The following WWOX variants were observed in gnomAD, a reference collection of about 807,000 sequenced individuals.
The protein encoded by WWOX is WW domain-containing oxidoreductase.
In WWOX, 69 loss-of-function variants were observed where a neutral mutation model predicts 46.2. The observed-to-expected ratio is 1.49, with a 90% CI of 1.23 to 1.82. WWOX has a LOEUF of 1.82. Ranked by LOEUF, WWOX falls within the 40% of genes most tolerant of loss-of-function variation. WWOX has a pLI of 0.00. For missense variants in WWOX, 919 were observed against 542.6 expected (o/e 1.69, Z -6.89); for synonymous variants, 359 against 202.6 (o/e 1.77, Z -6.56).
At chr16:79,176,447 C>A (rs1408121224) in intron 8 of WWOX, among the ~76,000 whole-genome samples, 1 of 152,154 alleles carries the variant, frequency 6.6e-6, no homozygotes, top group Non-Finnish European at 1.5e-5. Context: ...GGAAGAAGAG[C>A]AAATGGATTT....
At position 78,923,355 on chromosome 16, in the gene WWOX, A is replaced by G. The variant is rs1173664618; in HGVS notation, c.1057-288253A>G. On this transcript the variant is annotated intron_variant, in intron 8 of 8. Transcript: ENST00000566780. Reference sequence around the variant, plus strand: ...TCACCAGAATATCATCATTATCAACATCATTATTTCTAGTTCAGATCATTC... The same window carrying G: ...TCACCAGAATATCATCATTATCAACGTCATTATTTCTAGTTCAGATCATTC... Among the ~76,000 whole-genome samples the G allele has an allele frequency of 2.6e-5, 4 of 152,064 alleles. 1 individual carries two copies. The highest frequency in any genetic ancestry group is 1.3e-4 in the Admixed American group (2 of 15,260).
Position 78,470,623 on chromosome 16 carries a change from G to A in WWOX, c.1056+37871G>A, listed in dbSNP as rs370378170. On this transcript the variant is annotated intron_variant, in intron 8 of 8. Transcript: ENST00000566780. ...TGACTTACTGAAACCTCCTCCTCCT[G>A]GATTCAAGCCATTCTCCTGCCTCAG... Among the ~76,000 whole-genome samples, 23 of 152,258 alleles carry A rather than the reference G, an allele frequency of 1.5e-4. 1 individual carries two copies. The East Asian group carries it at 3.7e-3, about 24-fold the overall frequency.
intron 8 of WWOX, among the ~76,000 whole-genome samples, chr16:78,722,543 G>C (rs1264482058): frequency 1.3e-5 from 2 of 152,114 alleles, no homozygotes; most frequent in African/African-American, 4.8e-5. Context: ...TTCAGTAAGA[G>C]TACAAAGCGA....
intron 8 of WWOX, among the ~76,000 whole-genome samples, chr16:78,782,964 C>T (rs553613528): frequency 1.3e-5 from 2 of 152,162 alleles, no homozygotes; most frequent in African/African-American, 4.8e-5. Context: ...CAGGCCATTT[C>T]TATGCCTGCC....
intron 1 of WWOX, among the ~76,000 whole-genome samples, chr16:78,105,186 G>T (rs1181516355): frequency 6.6e-6 from 1 of 152,216 alleles, no homozygotes; most frequent in East Asian, 1.9e-4. Flanking sequence ...TGCAGGCCGG[G>T]TGCAGTGGTT....
intron 8 of WWOX, among the ~76,000 whole-genome samples, chr16:78,955,324 A>C (rs1303536237): frequency 6.6e-6 from 1 of 152,192 alleles, no homozygotes; most frequent in Admixed American, 6.5e-5. Flanking sequence ...CAACAACGTC[A>C]GTGAAATCCG....
At chr16:78,249,384 T>G (rs944488846) in intron 5 of WWOX, among the ~76,000 whole-genome samples, 3 of 152,228 alleles carry the variant, frequency 2.0e-5, no homozygotes. Context: ...CCACTCGTAT[T>G]GTTTATCTTA....
chr16:78,702,204 T>G (rs933593245), intron 8 of WWOX, among the ~76,000 whole-genome samples: 20 of 148,068 alleles, frequency 1.4e-4, no homozygotes, highest in Non-Finnish European at 1.6e-4. Context: ...CACTTAAGAC[T>G]GGGAGCTCGA....
At chr16:78,776,682 A>G (rs1009395444) in intron 8 of WWOX, among the ~76,000 whole-genome samples, 12 of 152,152 alleles carry the variant, frequency 7.9e-5, no homozygotes, top group African/African-American at 2.7e-4. Context: ...AAGAGGTTTA[A>G]TTGACTCACA....
intron 8 of WWOX, among the ~76,000 whole-genome samples, chr16:78,991,169 G>A (rs8055351): frequency 1.6e-4 from 25 of 152,258 alleles, no homozygotes; most frequent in African/African-American, 5.8e-4. Context: ...CCTTGTCAAA[G>A]TCAAAGAAGA....
intron 8 of WWOX, among the ~76,000 whole-genome samples, chr16:78,939,163 G>C (rs1367293081): frequency 1.3e-5 from 2 of 152,178 alleles, no homozygotes; most frequent in East Asian, 1.9e-4. Flanking sequence ...TGCTATTACA[G>C]ATGCCTCCCA....
chr16:78,675,394 A>T (rs1257634867), intron 8 of WWOX, among the ~76,000 whole-genome samples: 1 of 152,224 alleles, frequency 6.6e-6, no homozygotes, highest in African/African-American at 2.4e-5. Flanking sequence ...ACAGAAACTC[A>T]TCTCTGCAGA....
Position 78,912,898 on chromosome 16 carries a change from C to G in WWOX, c.1057-298710C>G, listed in dbSNP as rs967069963. Among the ~76,000 whole-genome samples, 5 of 152,112 alleles carry G rather than the reference C, an allele frequency of 3.3e-5. No homozygotes were observed. In the East Asian group the frequency reaches 9.7e-4, roughly 30 times the overall value. On this transcript the variant is annotated intron_variant, in intron 8 of 8. Coordinates refer to ENST00000566780, the MANE Select transcript of WWOX (RefSeq NM_016373.4). ...TAAAACACCATCAGCTTGGAAAACACTATCCATTAGCAAGAGATCAGAGCA... is the reference window on the plus strand; with the variant it reads ...TAAAACACCATCAGCTTGGAAAACAGTATCCATTAGCAAGAGATCAGAGCA...
intron 5 of WWOX, among the ~76,000 whole-genome samples, chr16:78,381,368 C>T (rs981025190): frequency 1.3e-5 from 2 of 152,118 alleles, no homozygotes; most frequent in African/African-American, 4.8e-5. Context: ...ATTAAGGTGG[C>T]AGTGAACTGT....
chr16:78,161,927 T>C (rs1239342094), intron 4 of WWOX, among the ~76,000 whole-genome samples: 1 of 152,200 alleles, frequency 6.6e-6, no homozygotes, highest in Non-Finnish European at 1.5e-5. Flanking sequence ...TTAAGCATTG[T>C]TATTATTATT....
intron 8 of WWOX, chr16:79,202,840 A>C (rs537025812): frequency 2.0e-5 from 3 of 152,218 alleles, no homozygotes; most frequent in Non-Finnish European, 4.4e-5. Flanking sequence ...AGGGGAAGAG[A>C]AAGGCAGCCT....
intron 5 of WWOX, among the ~76,000 whole-genome samples, chr16:78,309,848 C>A (rs1040187684): frequency 3.3e-5 from 5 of 152,152 alleles, no homozygotes; most frequent in African/African-American, 1.2e-4. Flanking sequence ...CTACCTGGAC[C>A]ATGACAGGTT....
At chr16:78,512,197 G>C (rs2085378950) in intron 8 of WWOX, among the ~76,000 whole-genome samples, 1 of 151,998 alleles carries the variant, frequency 6.6e-6, no homozygotes, top group Admixed American at 6.6e-5. Flanking sequence ...TTACAGAAAA[G>C]GAAAAAGCCA....
intron 8 of WWOX, among the ~76,000 whole-genome samples, chr16:78,575,818 G>T (rs1366932668): frequency 6.6e-6 from 1 of 152,094 alleles, no homozygotes; most frequent in Non-Finnish European, 1.5e-5. Flanking sequence ...TATACTTTCA[G>T]ATGGAAAATG....
Sources: gnomAD v4.1 joint callset for allele counts (sites outside exome capture counted in the v4.1 genomes callset) on GRCh38, gnomAD v4.1.1 for gene constraint, MANE v1.5 for transcripts, NCBI Gene and HGNC (gene_info 2026-07-23, HGNC 2026-07-21) for gene names.